Variants in RIC1 observed in about 807,000 individuals in gnomAD.
RIC1 encodes the protein RIC1 partner of RAB6A GEF complex.
RIC1 carries 88 observed loss-of-function variants against 169.0 expected under a neutral mutation model. That is an observed-to-expected ratio of 0.52 (90% confidence interval 0.44 to 0.62). The LOEUF (loss-of-function observed/expected upper bound fraction) is 0.62, where lower values mean the gene tolerates loss of function less well. RIC1 is among the 20% of genes least tolerant of loss of function. The pLI is 0.00. For missense variants in RIC1, 1,877 were observed against 1,725.5 expected, an observed-to-expected ratio of 1.09 and a Z score of -1.56; for synonymous variants, 790 against 601.5, an observed-to-expected ratio of 1.31 and a Z score of -4.59.
chr9:5,732,174 C>G lies in RIC1; in HGVS notation c.721-214C>G, dbSNP rs370805457. Reference sequence around the variant, plus strand: ...GCACTGGACTGAGCTGAGTATTTATCAGACCAATTCATGAGAAGTTTGAGG... The same window carrying G: ...GCACTGGACTGAGCTGAGTATTTATGAGACCAATTCATGAGAAGTTTGAGG... On this transcript the variant is annotated intron_variant, in intron 6 of 25. Coordinates refer to ENST00000414202, the MANE Select transcript of RIC1 (RefSeq NM_020829.4). Among the ~76,000 whole-genome samples, 6 of 152,228 alleles carry G rather than the reference C, an allele frequency of 3.9e-5. No individual in the cohort carries two copies. In the South Asian group the frequency reaches 1.2e-3, roughly 32 times the overall value.
At chr9:5,655,909 T>G (rs929095033) in intron 1 of RIC1, among the ~76,000 whole-genome samples, 1 of 152,056 alleles carries the variant, frequency 6.6e-6, no homozygotes, top group Non-Finnish European at 1.5e-5. Context: ...CTTTGTCACC[T>G]AGGCTGGAGT....
Position 5,742,880 on chromosome 9 carries a change from A to G in RIC1, c.913A>G (p.Lys305Glu), listed in dbSNP as rs1344918796. Reference sequence around the variant, plus strand: ...CTATTTCCTAACAGACATTTGGAATAAAACAGGAGCTGTTAAATTGATGAG... The same window carrying G: ...CTATTTCCTAACAGACATTTGGAATGAAACAGGAGCTGTTAAATTGATGAG... ...TAKQYPDIWN[K>E]TGAVKLMRWS... The change falls in exon 9 of 26, where the codon AAA (lysine) becomes GAA (glutamate). Residue 305 changes from lysine (K) to glutamate (E), a missense_variant. Physicochemically the swap from Lys to Glu is moderately conservative, Grantham distance 56 (BLOSUM62 1). Transcript: ENST00000414202. 1.3e-5 allele frequency: 21 copies of G among 1,612,254 alleles called. No homozygotes were observed. Among genetic ancestry groups the G allele is most frequent in the Non-Finnish European group, 1.5e-5 (18 of 1,178,946 alleles).
intron 1 of RIC1, among the ~76,000 whole-genome samples, chr9:5,646,615 G>A (rs1465429079): frequency 6.6e-6 from 1 of 152,160 alleles, no homozygotes; most frequent in African/African-American, 2.4e-5. Context: ...TAGCCAAGGT[G>A]TGTAGTAGGC....
Position 5,774,079 on chromosome 9 carries a change from C to G in RIC1, c.4105C>G (p.Gln1369Glu). 6.2e-7 allele frequency: 1 copy of G among 1,614,074 alleles called. No homozygotes were observed. The highest frequency in any genetic ancestry group is 8.5e-7 in the Non-Finnish European group (1 of 1,179,980). ...QPITMGKTPE[Q>E]TSPRAEESRG... ...AATAACTATGGGTAAGACTCCAGAA[C>G]AGACTAGCCCCCGGGCAGAGGAGAG... Residue 1369 changes from glutamine to glutamate, a missense_variant, in exon 26 of 26, where the codon CAG becomes GAG. Physicochemically the swap from Gln to Glu is conservative, Grantham distance 29. Coordinates refer to ENST00000414202, the MANE Select transcript of RIC1 (RefSeq NM_020829.4).
Position 5,775,194 on chromosome 9 carries a change from CTT to C in RIC1, c.*949_*950del, listed in dbSNP as rs757746215. 3.9e-5 allele frequency: 6 copies of C among 152,144 alleles called. No individual in the cohort carries two copies. The highest frequency in any genetic ancestry group is 7.4e-5 in the Non-Finnish European group (5 of 68,016). The allele number at this position is 152,144 out of a possible 1,614,324, so 9.4% of individuals were successfully genotyped here. A position where few individuals can be genotyped will look rare whatever the true frequency, so the allele number is the denominator to read the frequency against. ...AGTTTTGTGCAAATTAACATAGTCTCTTATTTATTGCTTTTGTAAATTGAATA... is the reference window on the plus strand; with the variant it reads ...AGTTTTGTGCAAATTAACATAGTCTCATTTATTGCTTTTGTAAATTGAATA... On this transcript the variant is annotated 3_prime_UTR_variant, in exon 26 of 26. Transcript: ENST00000414202.
At chr9:5,726,770 A>G (rs1563930079) in intron 6 of RIC1, among the ~76,000 whole-genome samples, 1 of 152,152 alleles carries the variant, frequency 6.6e-6, no homozygotes, top group African/African-American at 2.4e-5. Context: ...ATCTCTCAGC[A>G]TTTGCTTGTC....
At chr9:5,738,388 A>G in intron 7 of RIC1, 62 bp from the exon 8 acceptor site, 4 of 1,143,850 alleles carry the variant, frequency 3.5e-6, no homozygotes, top group Admixed American at 2.1e-5. Context: ...AGAGTTCTAT[A>G]ATGCTTTTTC....
At position 5,774,248 on chromosome 9, in the gene RIC1, A is replaced by G; in HGVS notation, c.*2A>G. ...ACTTACGACTGTTCTGTGTCCTAAC[A>G]GTGAGGTTCCATCACAAAGGGGCAG... On this transcript the variant is annotated 3_prime_UTR_variant, in exon 26 of 26. Coordinates refer to ENST00000414202, the MANE Select transcript of RIC1 (RefSeq NM_020829.4). 6.3e-7 allele frequency: 1 copy of G among 1,597,474 alleles called. No homozygotes were observed. The highest frequency in any genetic ancestry group is 8.5e-7 in the Non-Finnish European group (1 of 1,171,060).
At chr9:5,631,627 C>T (rs1280593493) in intron 1 of RIC1, among the ~76,000 whole-genome samples, 1 of 145,374 alleles carries the variant, frequency 6.9e-6, no homozygotes, top group Non-Finnish European at 1.5e-5. Context: ...GCAGAGGTTG[C>T]AGTGAGCCAA....
chr9:5,652,090 C>G (rs535447669), intron 1 of RIC1, among the ~76,000 whole-genome samples: 3 of 151,120 alleles, frequency 2.0e-5, no homozygotes, highest in African/African-American at 7.4e-5. Flanking sequence ...ATTGCCAGTA[C>G]CATGGTGTTT....
chr9:5,731,399 G>A (rs974220717), intron 6 of RIC1, among the ~76,000 whole-genome samples: 37 of 152,090 alleles, frequency 2.4e-4, no homozygotes, highest in African/African-American at 7.2e-4. Flanking sequence ...CAAAGATTCC[G>A]TGTTTAGATA....
chr9:5,749,615 C>G (rs530919617), intron 12 of RIC1, among the ~76,000 whole-genome samples: 1 of 152,138 alleles, frequency 6.6e-6, no homozygotes, highest in Admixed American at 6.5e-5. Flanking sequence ...AGAGTACTAG[C>G]TTTTTGTTTG....
chr9:5,725,453 T>G (rs1050721500), intron 6 of RIC1, among the ~76,000 whole-genome samples: 1 of 152,212 alleles, frequency 6.6e-6, no homozygotes, highest in Non-Finnish European at 1.5e-5. Flanking sequence ...TCTCTTTACT[T>G]CTTCATTAGT....
At chr9:5,719,797 A>G (rs1262036754) in intron 4 of RIC1, among the ~76,000 whole-genome samples, 1 of 152,176 alleles carries the variant, frequency 6.6e-6, no homozygotes, top group Non-Finnish European at 1.5e-5. Context: ...GTGCCAGAGC[A>G]TTGTTACCTC....
chr9:5,724,875 C>G (rs905736257), intron 6 of RIC1, among the ~76,000 whole-genome samples: 4 of 152,066 alleles, frequency 2.6e-5, no homozygotes, highest in African/African-American at 4.8e-5. Context: ...ATTTTCGTAT[C>G]TTGAACCAGC....
chr9:5,630,310 G>A (rs1817658316), intron 1 of RIC1, among the ~76,000 whole-genome samples: 1 of 152,202 alleles, frequency 6.6e-6, no homozygotes, highest in South Asian at 2.1e-4. Flanking sequence ...GAGAACGACA[G>A]AGTTCAGAGT....
At chr9:5,683,281 C>G (rs902546879) in intron 2 of RIC1, among the ~76,000 whole-genome samples, 2 of 152,292 alleles carry the variant, frequency 1.3e-5, no homozygotes, top group Admixed American at 6.5e-5. Context: ...GTGGTTTTAT[C>G]TACCTTTGGT....
rs982336187 is a variant in RIC1, at chr9:5,690,237, A to C, written c.332+199A>C. Reference sequence around the variant, plus strand: ...CTTTAAGTCTGGGAATCTTGATGATAAACTATATCAAGACTATTTTCTTGG... The same window carrying C: ...CTTTAAGTCTGGGAATCTTGATGATCAACTATATCAAGACTATTTTCTTGG... On this transcript the variant is annotated intron_variant, in intron 3 of 25. Coordinates refer to ENST00000414202, the MANE Select transcript of RIC1 (RefSeq NM_020829.4). Among the ~76,000 whole-genome samples the C allele has an allele frequency of 3.3e-5, 5 of 152,132 alleles. 1 individual carries two copies. Among genetic ancestry groups the C allele is most frequent in the Non-Finnish European group, 7.4e-5 (5 of 67,956 alleles).
intron 3 of RIC1, among the ~76,000 whole-genome samples, chr9:5,712,494 A>C (rs1291603898): frequency 6.6e-6 from 1 of 152,230 alleles, no homozygotes; most frequent in African/African-American, 2.4e-5. Flanking sequence ...CAAATTTACA[A>C]GAAAAAAACA....
Sources: allele counts gnomAD v4.1 joint callset (sites outside exome capture counted in the v4.1 genomes callset), GRCh38; gene constraint gnomAD v4.1.1; transcripts MANE v1.5; gene names NCBI Gene and HGNC (gene_info 2026-07-23, HGNC 2026-07-21).